Variants in TEX2 observed in about 807,000 individuals in gnomAD.
TEX2 encodes testis expressed 2, also known as testis-expressed protein 2.
A neutral mutation model predicts 106.9 loss-of-function variants in TEX2; 53 were observed. The observed-to-expected ratio is 0.50, with a 90% CI of 0.40 to 0.62. The LOEUF is 0.62. TEX2 is among the 20% of genes least tolerant of loss of function. The pLI, the probability that TEX2 is intolerant of heterozygous loss-of-function variation, is 0.00. For missense variants in TEX2, 1,207 were observed against 1,379.0 expected (o/e 0.88, Z 1.98); for synonymous variants, 523 against 534.8 (o/e 0.98, Z 0.30).
chr17:64,193,931 G>T (rs955294682), intron 3 of TEX2, 42 bp from the exon 4 acceptor site: 2 of 1,404,556 alleles, frequency 1.4e-6, no homozygotes, highest in Admixed American at 2.4e-5. Context: ...TTAAAGATTG[G>T]CTACACTATG....
At chr17:64,149,831 TGGTG>T (rs2030252053) in intron 11 of TEX2, 1 of 148,718 alleles carries the variant, frequency 6.7e-6, no homozygotes, top group Non-Finnish European at 1.5e-5. Flanking sequence ...GGCATGAGAA[TGGTG>T]TGAACCTGGG....
chr17:64,195,178 G>C lies in TEX2; in HGVS notation c.1645-83C>G, dbSNP rs553840004. 1.4e-5 allele frequency: 19 copies of C among 1,359,308 alleles called. 1 individual carries two copies. In the South Asian group the frequency reaches 2.2e-4, roughly 16 times the overall value. 84.2% of individuals were successfully genotyped at this position (1,359,308 alleles called of 1,614,324 possible). The stretch of plus-strand genomic sequence containing the variant: ...TGAAATGATGAACACTGTGGTATTT[G>C]GGACACTGAAACCAAACTTGATCAC... On this transcript the variant is annotated intron_variant, in intron 2 of 11. Transcript: ENST00000584379. This position sits in a 1 kb window ranked among gnomAD's most constrained non-coding sequence, Gnocchi z 4.1.
intron 2 of TEX2, among the ~76,000 whole-genome samples, chr17:64,199,685 C>T (rs73328128): frequency 0.037 from 5,637 of 152,304 alleles, 133 homozygotes; most frequent in Non-Finnish European, 0.049. Context: ...TGGTATTTTA[C>T]ATTCTGTTTC....
chr17:64,257,649 G>A (rs768171605), intron 1 of TEX2, among the ~76,000 whole-genome samples: 57 of 152,180 alleles, frequency 3.7e-4, no homozygotes, highest in Non-Finnish European at 7.5e-4. Context: ...AGCTGTCTCA[G>A]TTATCAGATC....
chr17:64,212,553 A>G, intron 2 of TEX2, 21 bp downstream of exon 2: 2 of 1,596,996 alleles, frequency 1.3e-6, no homozygotes, highest in Non-Finnish European at 1.7e-6. Context: ...TGTACTAGCC[A>G]GCTCCCGGGG....
At chr17:64,224,593 AGTT>A (rs34011660) in intron 1 of TEX2, among the ~76,000 whole-genome samples, 11,166 of 116,584 alleles carry the variant, frequency 0.096, 509 homozygotes, top group Non-Finnish European at 0.14. Flanking sequence ...CTTTCCCATT[AGTT>A]GTTAGGTTCC....
intron 1 of TEX2, among the ~76,000 whole-genome samples, chr17:64,252,131 T>C (rs1567970387): frequency 6.6e-6 from 1 of 152,204 alleles, no homozygotes; most frequent in Non-Finnish European, 1.5e-5. Context: ...TCAAATCCCA[T>C]CCTTCCAACA....
At chr17:64,201,527 A>T (rs1057035056) in intron 2 of TEX2, among the ~76,000 whole-genome samples, 1 of 152,192 alleles carries the variant, frequency 6.6e-6, no homozygotes, top group African/African-American at 2.4e-5. Context: ...TACAGGTAAG[A>T]AAAGTGGTGA....
Position 64,185,150 on chromosome 17 carries a change from G to A in TEX2, c.2424+3018C>T, listed in dbSNP as rs972680482. 2.0e-5 allele frequency among the ~76,000 whole-genome samples: 3 copies of A among 152,204 alleles called. No individual in the cohort carries two copies. The highest frequency in any genetic ancestry group is 4.4e-5 in the Non-Finnish European group (3 of 68,034). On this transcript the variant is annotated intron_variant, in intron 5 of 11. Transcript: ENST00000584379. This position sits in a 1 kb window ranked among gnomAD's most constrained non-coding sequence, Gnocchi z 4.0. ...TTTATAGATATGAGATGATGAGCAC[G>A]ACGAGTAGTAATAAGGACAGGACTC...
intron 1 of TEX2, among the ~76,000 whole-genome samples, chr17:64,234,029 T>C (rs1365961477): frequency 1.3e-5 from 2 of 152,122 alleles, no homozygotes; most frequent in Non-Finnish European, 2.9e-5. Context: ...GTCTGTTCCA[T>C]TGCTGTCTAA....
At chr17:64,173,625 T>A (rs2031502152) in intron 6 of TEX2, among the ~76,000 whole-genome samples, 1 of 152,232 alleles carries the variant, frequency 6.6e-6, no homozygotes, top group South Asian at 2.1e-4. Context: ...GTGTTTGCTA[T>A]ATTTGGAGAA....
At chr17:64,149,252 A>T in intron 11 of TEX2, 161 bp from the exon 12 acceptor site, 1 of 718,640 alleles carries the variant, frequency 1.4e-6, no homozygotes, top group South Asian at 2.0e-5. Context: ...ATACTTTAGA[A>T]AGAGTTGAGG....
chr17:64,206,546 CTTACT>C (rs2032835968), intron 2 of TEX2, among the ~76,000 whole-genome samples: 2 of 123,254 alleles, frequency 1.6e-5, no homozygotes, highest in African/African-American at 6.2e-5. Flanking sequence ...ACATAGAGGT[CTTACT>C]TTTTTTTTTT....
chr17:64,153,073 T>A lies in TEX2; in HGVS notation c.3012A>T (p.Thr1004=). The A allele has an allele frequency of 6.2e-7, 1 of 1,614,170 alleles. No homozygotes were observed. The highest frequency in any genetic ancestry group is 1.1e-5 in the South Asian group (1 of 91,092). The change falls in exon 10 of 12, where the codon ACA becomes ACT. Residue 1004 remains threonine, a synonymous_variant. Coordinates refer to ENST00000584379, the MANE Select transcript of TEX2 (RefSeq NM_001288732.2). The surrounding 1 kb of genome is among the most constrained non-coding windows in gnomAD (Gnocchi z 4.1). The part of the protein sequence containing the change: ...ITKSKYFQKA[T]ETEFIKKKIE... ...TCTTCTTTTTAATAAACTCTGTCTC[T>A]GTTGCTTTTTGGAAATATTTTGACT...
chr17:64,166,002 G>A lies in TEX2; in HGVS notation c.2672-5069C>T, dbSNP rs567778952. ...TTTAAATTCATGTTGCAAACATCCCGAAGACTAAATGAATTCATCTAAGCC... is the reference window on the plus strand; with the variant it reads ...TTTAAATTCATGTTGCAAACATCCCAAAGACTAAATGAATTCATCTAAGCC... On this transcript the variant is annotated intron_variant, in intron 7 of 11. Coordinates refer to ENST00000584379, the MANE Select transcript of TEX2 (RefSeq NM_001288732.2). 3.9e-5 allele frequency among the ~76,000 whole-genome samples: 6 copies of A among 152,308 alleles called. No individual in the cohort carries two copies. The East Asian group carries it at 7.7e-4, about 20-fold the overall frequency.
chr17:64,236,189 T>A (rs1173508768), intron 1 of TEX2, among the ~76,000 whole-genome samples: 1 of 151,600 alleles, frequency 6.6e-6, no homozygotes, highest in East Asian at 1.9e-4. Flanking sequence ...TAAAAAAAAA[T>A]AAAAATTTTA....
chr17:64,147,489 C>T lies in TEX2; in HGVS notation c.*1480G>A, dbSNP rs777371913. ...TGAAACAATGCAAGCGATTTTAAAT[C>T]CCCACATACTATTTGATTAAGTGCA... On this transcript the variant is annotated 3_prime_UTR_variant, in exon 12 of 12. Transcript: ENST00000584379. 2 of 152,178 alleles carry T rather than the reference C, an allele frequency of 1.3e-5. No homozygotes were observed. Among genetic ancestry groups the T allele is most frequent in the Non-Finnish European group, 2.9e-5 (2 of 68,042 alleles). The allele number at this position is 152,178 out of a possible 1,614,324, so 9.4% of individuals were successfully genotyped here. A position where few individuals can be genotyped will look rare whatever the true frequency, so the allele number is the denominator to read the frequency against.
chr17:64,162,141 T>C (rs1445913435), intron 7 of TEX2, among the ~76,000 whole-genome samples: 3 of 152,240 alleles, frequency 2.0e-5, no homozygotes, highest in Non-Finnish European at 2.9e-5. Context: ...TGGAGATCAA[T>C]TGTGATTATC....
intron 1 of TEX2, among the ~76,000 whole-genome samples, chr17:64,250,585 C>T (rs1398554759): frequency 6.6e-6 from 1 of 152,176 alleles, no homozygotes; most frequent in African/African-American, 2.4e-5. Flanking sequence ...CTACACCTGC[C>T]GGAGGCCTAC....
Sources: gnomAD v4.1 joint callset for allele counts (sites outside exome capture counted in the v4.1 genomes callset) on GRCh38, gnomAD v4.1.1 for gene constraint, Gnocchi (gnomAD v3.1) non-coding constraint, MANE v1.5 for transcripts, NCBI Gene and HGNC (gene_info 2026-07-23, HGNC 2026-07-21) for gene names.